CNTN5: variants seen among roughly 807,000 people sequenced by gnomAD.
CNTN5 encodes contactin 5.
CNTN5 carries 77 observed loss-of-function variants against 129.1 expected under a neutral mutation model. The observed-to-expected ratio is 0.60, with a 90% CI of 0.50 to 0.72. The LOEUF (loss-of-function observed/expected upper bound fraction) is 0.72. Ranked by LOEUF, CNTN5 falls within the 30% of genes least tolerant of loss-of-function variation. CNTN5 has a pLI of 0.00. For synonymous variants in CNTN5, 509 were observed against 465.6 expected (o/e 1.09, Z -1.20); for missense variants, 1,478 against 1,328.8 (o/e 1.11, Z -1.75).
chr11:100,136,970 A>C (rs1946546979), intron 13 of CNTN5, among the ~76,000 whole-genome samples: 1 of 151,958 alleles, frequency 6.6e-6, no homozygotes, highest in Non-Finnish European at 1.5e-5. Context: ...TATTTTTATC[A>C]TTAACAGTTT....
rs557012669 is a variant in CNTN5 at position 100,255,110 on chromosome 11, C to T, written c.2006-650C>T. Among the ~76,000 whole-genome samples, 11 of 152,246 alleles carry T rather than the reference C, an allele frequency of 7.2e-5. No individual in the cohort carries two copies. In the East Asian group the frequency reaches 2.1e-3, roughly 29 times the overall value. ...ATTAATCCTCCTTTATTCACTACCT[C>T]CCCACTCCTACCAAGGAAAAAAGGA... is the stretch of plus-strand genomic sequence containing the variant. On this transcript the variant is annotated intron_variant, in intron 16 of 24. Transcript: ENST00000524871.
intron 3 of CNTN5, among the ~76,000 whole-genome samples, chr11:99,790,768 A>G (rs1274066583): frequency 6.6e-6 from 1 of 152,134 alleles, no homozygotes; most frequent in African/African-American, 2.4e-5. Context: ...ACAATGCTGA[A>G]CTAAGTTACA....
At chr11:99,953,502 A>C (rs1286345544) in intron 7 of CNTN5, among the ~76,000 whole-genome samples, 1 of 152,228 alleles carries the variant, frequency 6.6e-6, no homozygotes, top group Non-Finnish European at 1.5e-5. Context: ...GGAAATCCCG[A>C]AGTATCAGAA....
intron 1 of CNTN5, among the ~76,000 whole-genome samples, chr11:99,187,345 G>A (rs1036415391): frequency 6.6e-6 from 1 of 151,664 alleles, no homozygotes. Context: ...GTATAACCCT[G>A]CCCATCTACT....
At chr11:99,667,399 A>T (rs1026319253) in intron 3 of CNTN5, among the ~76,000 whole-genome samples, 1 of 152,162 alleles carries the variant, frequency 6.6e-6, no homozygotes, top group Non-Finnish European at 1.5e-5. Context: ...GATTATGTGG[A>T]AATTGACTTT....
rs574417714 is a variant in CNTN5 at position 99,479,789 on chromosome 11, T to A, written c.-70-76356T>A. On this transcript the variant is annotated intron_variant, in intron 2 of 24. Transcript: ENST00000524871. ...ATTTTCACCTCCAGCAACAGATGTA[T>A]ATGTTTTGAGGTAAAGAAAAAAAAA... Among the ~76,000 whole-genome samples, 112 of 152,148 alleles carry A rather than the reference T, an allele frequency of 7.4e-4. 2 individuals carry two copies. In the South Asian group the frequency reaches 0.019, roughly 25 times the overall value.
intron 2 of CNTN5, among the ~76,000 whole-genome samples, chr11:99,357,274 C>A (rs1033835365): frequency 6.6e-6 from 1 of 152,000 alleles, no homozygotes; most frequent in Admixed American, 6.6e-5. Flanking sequence ...CTTCAATATT[C>A]CCCTAGTATT....
At chr11:99,666,157 A>G (rs1039726136) in intron 3 of CNTN5, among the ~76,000 whole-genome samples, 3 of 151,898 alleles carry the variant, frequency 2.0e-5, no homozygotes, top group Non-Finnish European at 4.4e-5. Flanking sequence ...TAGTGGTGAC[A>G]GGGCTTCACC....
chr11:100,153,365 T>TAATC (rs775472612), intron 13 of CNTN5, among the ~76,000 whole-genome samples: 4 of 152,262 alleles, frequency 2.6e-5, no homozygotes, highest in East Asian at 1.9e-4. Flanking sequence ...TATTTGTTCT[T>TAATC]AATCAGAAGG....
chr11:99,889,325 TGTGTGTG>T (rs1555147170), intron 6 of CNTN5, among the ~76,000 whole-genome samples: 2,796 of 113,252 alleles, frequency 0.025, 120 homozygotes, highest in East Asian at 0.05. Context: ...TGTGTGTGTG[TGTGTGTG>T]TGTGTGTGTG....
intron 3 of CNTN5, among the ~76,000 whole-genome samples, chr11:99,739,885 A>T (rs115814730): frequency 6.6e-6 from 1 of 152,170 alleles, no homozygotes; most frequent in East Asian, 1.9e-4. Flanking sequence ...TTTAGCTGGC[A>T]CAAGGGACTA....
chr11:100,314,948 T>C (rs760781552), intron 21 of CNTN5, among the ~76,000 whole-genome samples: 5 of 152,202 alleles, frequency 3.3e-5, no homozygotes, highest in Non-Finnish European at 7.3e-5. Context: ...ATACCTGCTA[T>C]GTTTTGATGC....
chr11:99,208,393 G>A (rs1859590612), intron 1 of CNTN5, among the ~76,000 whole-genome samples: 1 of 151,996 alleles, frequency 6.6e-6, no homozygotes, highest in African/African-American at 2.4e-5. Flanking sequence ...AGGTAAATAT[G>A]GACTTTACTC....
Position 100,341,139 on chromosome 11 carries a change from T to C in CNTN5, c.2964T>C (p.Ser988=). 1 of 1,613,938 alleles carries C rather than the reference T, an allele frequency of 6.2e-7. No homozygotes were observed. The change falls in exon 23 of 25, where the codon TCT becomes TCC. Residue 988 remains serine (S), a synonymous_variant. Coordinates refer to ENST00000524871, the MANE Select transcript of CNTN5 (RefSeq NM_014361.4). ...PSNLRWEQQG[S]QVSLGWEPVI... ...ACCTCAGGTGGGAGCAGCAAGGCTC[T>C]CAGGTTTCTCTGGGCTGGGAACCCG...
intron 13 of CNTN5, among the ~76,000 whole-genome samples, chr11:100,117,880 A>T (rs1383855371): frequency 6.6e-6 from 1 of 151,900 alleles, no homozygotes; most frequent in Non-Finnish European, 1.5e-5. Context: ...TACGGCATTA[A>T]TGTATAATGT....
chr11:99,805,476 GCAAA>G (rs1237119362), intron 3 of CNTN5, among the ~76,000 whole-genome samples: 4 of 152,112 alleles, frequency 2.6e-5, no homozygotes, highest in Non-Finnish European at 5.9e-5. Context: ...CATCATGAAG[GCAAA>G]CTAACTTGTT....
At chr11:99,547,083 A>T (rs1948321599) in intron 2 of CNTN5, among the ~76,000 whole-genome samples, 1 of 145,938 alleles carries the variant, frequency 6.9e-6, no homozygotes, top group South Asian at 2.2e-4. Context: ...GGCTCACCGC[A>T]ACCTCCACTC....
intron 2 of CNTN5, among the ~76,000 whole-genome samples, chr11:99,531,888 A>G (rs1461635504): frequency 6.6e-6 from 1 of 152,204 alleles, no homozygotes; most frequent in Non-Finnish European, 1.5e-5. Context: ...GGGGCCCTAC[A>G]TTCTCCATTC....
chr11:99,933,243 G>A (rs1211867993), intron 7 of CNTN5, among the ~76,000 whole-genome samples: 1 of 152,026 alleles, frequency 6.6e-6, no homozygotes, highest in Non-Finnish European at 1.5e-5. Flanking sequence ...CTTCATTTAG[G>A]AATTTCAATT....
Sources: allele counts gnomAD v4.1 joint callset (sites outside exome capture counted in the v4.1 genomes callset), GRCh38; gene constraint gnomAD v4.1.1; transcripts MANE v1.5; gene names NCBI Gene and HGNC (gene_info 2026-07-23, HGNC 2026-07-21).